Variants in SPHKAP observed in about 807,000 individuals in gnomAD.
SPHKAP encodes the protein A-kinase anchor protein SPHKAP.
SPHKAP carries 67 observed loss-of-function variants against 137.5 expected under a neutral mutation model. The ratio of observed to expected loss-of-function variants is 0.49; its 90% confidence interval spans 0.40 to 0.60. SPHKAP has a LOEUF of 0.60. SPHKAP is among the 20% of genes least tolerant of loss of function. SPHKAP has a pLI of 0.00. For synonymous variants in SPHKAP, 813 were observed against 785.3 expected (o/e 1.04, Z -0.59); for missense variants, 2,097 against 2,069.3 (o/e 1.01, Z -0.26).
intron 9 of SPHKAP, among the ~76,000 whole-genome samples, chr2:227,992,259 C>T (rs1693441620): frequency 6.6e-6 from 1 of 152,158 alleles, no homozygotes; most frequent in African/African-American, 2.4e-5. Flanking sequence ...CATTGTGTTC[C>T]TGATGTTGAG....
chr2:228,055,571 T>C (rs1696409111), intron 3 of SPHKAP, among the ~76,000 whole-genome samples: 1 of 152,190 alleles, frequency 6.6e-6, no homozygotes, highest in African/African-American at 2.4e-5. Flanking sequence ...CCTCCCTGCA[T>C]TCACCATGAC....
chr2:228,016,516 G>C lies in SPHKAP; in HGVS notation c.4338C>G (p.Phe1446Leu). 3.7e-6 allele frequency: 6 copies of C among 1,614,042 alleles called. No individual in the cohort carries two copies. Among genetic ancestry groups the C allele is most frequent in the Non-Finnish European group, 5.1e-6 (6 of 1,180,020 alleles). Residue 1446 changes from phenylalanine (F) to leucine (L), a missense_variant, in exon 7 of 12, where the codon TTC becomes TTG. Transcript: ENST00000392056. ...REACAGEPEPFLSKSSLLEEA... is the reference protein window; with the variant it reads ...REACAGEPEPLLSKSSLLEEA... ...CCTCTAGGAGGCTGCTTTTGGAAAG[G>C]AAGGGTTCAGGTTCCCCAGCACAGG...
At chr2:228,174,462 A>C (rs531902127) in intron 1 of SPHKAP, among the ~76,000 whole-genome samples, 68 of 152,300 alleles carry the variant, frequency 4.5e-4, no homozygotes, top group African/African-American at 1.5e-3. Flanking sequence ...TGGAGTTAAC[A>C]TTAGACTTTG....
chr2:228,171,229 A>T (rs1334854027), intron 1 of SPHKAP, among the ~76,000 whole-genome samples: 2 of 152,130 alleles, frequency 1.3e-5, no homozygotes, highest in Admixed American at 1.3e-4. Flanking sequence ...TCTTAAGTAC[A>T]ATCTGTTGCA....
At chr2:227,982,450 G>T in intron 11 of SPHKAP, 1 of 787,046 alleles carries the variant, frequency 1.3e-6, no homozygotes, top group South Asian at 5.8e-5. Context: ...TTGTCACCTG[G>T]GTATTGGTAC....
chr2:228,037,648 G>A (rs185962983), intron 3 of SPHKAP, among the ~76,000 whole-genome samples: 1 of 146,888 alleles, frequency 6.8e-6, no homozygotes, highest in East Asian at 2.3e-4. Flanking sequence ...TAACACCTGT[G>A]GTCACTCCAA....
intron 1 of SPHKAP, among the ~76,000 whole-genome samples, chr2:228,167,899 TG>T (rs1700465905): frequency 6.6e-6 from 1 of 152,110 alleles, no homozygotes; most frequent in Admixed American, 6.6e-5. Flanking sequence ...TTGTAATATC[TG>T]AGAAAAATAC....
chr2:227,991,308 C>G lies in SPHKAP; in HGVS notation c.4740G>C (p.Lys1580Asn). 1 of 1,614,198 alleles carries G rather than the reference C, an allele frequency of 6.2e-7. No homozygotes were observed. Among genetic ancestry groups the G allele is most frequent in the Middle Eastern group, 1.7e-4 (1 of 6,060 alleles). ...TTTCTGACTGTCCTTTAAGAATCTT[C>G]TTTTCTTCTACTAATTCACTTTGGG... The part of the protein sequence containing the change: ...SPMINELVEE[K>N]KILKGQSEST... The change falls in exon 10 of 12, where the codon AAG becomes AAC. Residue 1580 changes from lysine to asparagine, a missense_variant. Physicochemically the swap from Lys to Asn is moderately conservative, Grantham distance 94. Transcript: ENST00000392056.
In SPHKAP at chr2:227,991,280, T is replaced by G. The variant is rs754602349; in HGVS notation, c.4768A>C (p.Thr1590Pro). Reference sequence around the variant, plus strand: ...GTATGGGAAGGTGGCTTACCCTCTGTGCTTTCTGACTGTCCTTTAAGAATC... The same window carrying G: ...GTATGGGAAGGTGGCTTACCCTCTGGGCTTTCTGACTGTCCTTTAAGAATC... ...KKILKGQSES[T>P]EAPASGPPTG... is the part of the protein sequence containing the mutation. The change falls in exon 10 of 12, where the codon ACA (threonine) becomes CCA (proline). Residue 1590 changes from threonine (T) to proline (P), a missense_variant. By Grantham distance (38) the Thr-to-Pro change is conservative (BLOSUM62 -1). Transcript: ENST00000392056. 2.5e-6 allele frequency: 4 copies of G among 1,614,230 alleles called. No individual in the cohort carries two copies. In the Admixed American group the frequency reaches 6.7e-5, roughly 27 times the overall value.
intron 7 of SPHKAP, among the ~76,000 whole-genome samples, chr2:228,007,508 T>G (rs1694187983): frequency 1.3e-5 from 2 of 152,142 alleles, no homozygotes; most frequent in South Asian, 4.1e-4. Flanking sequence ...ATCATCATTT[T>G]ACTCTCTCCT....
intron 1 of SPHKAP, among the ~76,000 whole-genome samples, chr2:228,167,624 C>A (rs534317568): frequency 3.9e-5 from 6 of 151,928 alleles, no homozygotes; most frequent in Admixed American, 3.9e-4. Flanking sequence ...ATGCATTTTT[C>A]TATGTAAATT....
At chr2:228,034,322 T>C (rs973836616) in intron 3 of SPHKAP, among the ~76,000 whole-genome samples, 18 of 152,156 alleles carry the variant, frequency 1.2e-4, no homozygotes, top group Non-Finnish European at 1.8e-4. Context: ...CTCCCAAGAC[T>C]AAACCAGGAA....
At chr2:228,002,440 T>C (rs1276243281) in intron 7 of SPHKAP, among the ~76,000 whole-genome samples, 2 of 152,228 alleles carry the variant, frequency 1.3e-5, no homozygotes, top group Non-Finnish European at 2.9e-5. Flanking sequence ...TAAATTTGTT[T>C]GTGTTCTTTG....
chr2:228,150,681 G>A (rs1422911671), intron 1 of SPHKAP, among the ~76,000 whole-genome samples: 1 of 151,088 alleles, frequency 6.6e-6, no homozygotes, highest in African/African-American at 2.4e-5. Flanking sequence ...TAAAATTAAG[G>A]ATACCAGGCA....
rs116277913 is a variant in SPHKAP, at chr2:228,081,689, G to A, written c.246+27143C>T. 3.9e-4 allele frequency among the ~76,000 whole-genome samples: 59 copies of A among 152,216 alleles called. 2 individuals are homozygous for A. The South Asian group carries it at 1.0e-2, about 26-fold the overall frequency. Reference sequence around the variant, plus strand: ...AGGATATTAAGTATAAATAAGCCAGGCATAGAAAGGCAAACACCACTTAAT... The same window carrying A: ...AGGATATTAAGTATAAATAAGCCAGACATAGAAAGGCAAACACCACTTAAT... On this transcript the variant is annotated intron_variant, in intron 3 of 11. Coordinates refer to ENST00000392056, the MANE Select transcript of SPHKAP (RefSeq NM_001142644.2).
rs113629548 is a variant in SPHKAP, at chr2:228,123,404, G to T, written c.138+8576C>A. 3.1e-3 allele frequency among the ~76,000 whole-genome samples: 470 copies of T among 152,274 alleles called. 3 individuals are homozygous for T. The highest frequency in any genetic ancestry group is 0.011 in the African/African-American group (442 of 41,558). On this transcript the variant is annotated intron_variant, in intron 2 of 11. Coordinates refer to ENST00000392056, the MANE Select transcript of SPHKAP (RefSeq NM_001142644.2). ...AGAGAGTGTTTGAGACTTGAGAGTT[G>T]TTTATACTCCAGGGGGAAATTCTTG...
chr2:228,048,763 A>G lies in SPHKAP; in HGVS notation c.247-21220T>C, dbSNP rs188159468. 2.6e-5 allele frequency among the ~76,000 whole-genome samples: 4 copies of G among 152,110 alleles called. No homozygotes were observed. The East Asian group carries it at 7.7e-4, about 29-fold the overall frequency. ...GCTATGAGGATTAGTAATGTTGTTC[A>G]TTTCTTCATATGTCTGTGGGCCACT... is the stretch of plus-strand genomic sequence containing the variant. On this transcript the variant is annotated intron_variant, in intron 3 of 11. Transcript: ENST00000392056.
intron 1 of SPHKAP, among the ~76,000 whole-genome samples, chr2:228,150,725 A>G (rs1207316107): frequency 6.6e-6 from 1 of 151,724 alleles, no homozygotes; most frequent in Non-Finnish European, 1.5e-5. Context: ...CAAAGAACCA[A>G]CTTTTGATTC....
intron 1 of SPHKAP, among the ~76,000 whole-genome samples, chr2:228,176,066 G>T (rs1326309704): frequency 6.6e-6 from 1 of 152,116 alleles, no homozygotes; most frequent in Non-Finnish European, 1.5e-5. Flanking sequence ...AGTAGTTTTC[G>T]CATTTCCCAG....
Sources: gnomAD v4.1 joint callset for allele counts (sites outside exome capture counted in the v4.1 genomes callset) on GRCh38, gnomAD v4.1.1 for gene constraint, MANE v1.5 for transcripts, NCBI Gene and HGNC (gene_info 2026-07-23, HGNC 2026-07-21) for gene names.